CACNA2D1: variants seen among roughly 807,000 people sequenced by gnomAD.
The protein encoded by CACNA2D1 is voltage-dependent calcium channel subunit alpha-2/delta-1.
A neutral mutation model predicts 171.5 loss-of-function variants in CACNA2D1; 53 were observed. The observed-to-expected ratio is 0.31, with a 90% CI of 0.25 to 0.39. The LOEUF is 0.39. Among genes scored for constraint, CACNA2D1 ranks in the 10% least tolerant of loss-of-function variants. The probability of loss-of-function intolerance (pLI) is 1.00; values close to 1 mark genes in which losing one functional copy is unlikely to be tolerated. For missense variants in CACNA2D1, 903 were observed against 1,299.8 expected (o/e 0.69, Z 4.69); for synonymous variants, 442 against 443.1 (o/e 1.00, Z 0.03).
chr7:82,007,731 G>A lies in CACNA2D1; in HGVS notation c.1388C>T (p.Thr463Ile), dbSNP rs761255512. The A allele has an allele frequency of 6.2e-7, 1 of 1,600,576 alleles. No individual in the cohort carries two copies. The highest frequency in any genetic ancestry group is 8.6e-7 in the Non-Finnish European group (1 of 1,168,010). Residue 463 changes from threonine (T) to isoleucine (I), a missense_variant, in exon 16 of 39, where the codon ACT becomes ATT. Physicochemically the swap from Thr to Ile is moderately conservative, Grantham distance 89 (BLOSUM62 -1). Around this residue, in one of 5 missense-constraint regions of CACNA2D1, gnomAD observed 623 missense variants for 925.5 expected, o/e 0.67. Transcript: ENST00000356860. ...GCCGGTTATGTTGAAGACCGGAAGA[G>A]TTCCAGTAATGACAAGTCCCAGTTC... The part of the protein sequence containing the change: ...ALELGLVITG[T>I]LPVFNITGQF...
chr7:82,035,521 A>G (rs565998502), intron 11 of CACNA2D1, among the ~76,000 whole-genome samples: 23 of 152,278 alleles, frequency 1.5e-4, no homozygotes, highest in Admixed American at 5.9e-4. Context: ...TTTAAAAATC[A>G]CTACAATTGT....
chr7:81,975,629 C>A (rs1795761172), intron 24 of CACNA2D1, among the ~76,000 whole-genome samples: 1 of 152,046 alleles, frequency 6.6e-6, no homozygotes. Flanking sequence ...CATTAAAATT[C>A]CATATTCTTT....
At chr7:82,268,512 G>A (rs1472513621) in intron 3 of CACNA2D1, among the ~76,000 whole-genome samples, 2 of 152,028 alleles carry the variant, frequency 1.3e-5, no homozygotes, top group African/African-American at 2.4e-5. Flanking sequence ...CTAATTACAC[G>A]CAGTCCTTTT....
At chr7:82,028,956 G>T (rs1802300498) in intron 12 of CACNA2D1, 1 of 151,866 alleles carries the variant, frequency 6.6e-6, no homozygotes, top group African/African-American at 2.4e-5. Flanking sequence ...ATTTGATAAA[G>T]CAGTGCCAGG....
intron 3 of CACNA2D1, among the ~76,000 whole-genome samples, chr7:82,258,024 A>C (rs1236734106): frequency 6.6e-6 from 1 of 152,172 alleles, no homozygotes; most frequent in Non-Finnish European, 1.5e-5. Flanking sequence ...GATGGGAGGC[A>C]AATGCTTCTG....
chr7:82,208,208 G>T (rs1800204001), intron 3 of CACNA2D1, among the ~76,000 whole-genome samples: 1 of 152,030 alleles, frequency 6.6e-6, no homozygotes, highest in Admixed American at 6.6e-5. Flanking sequence ...CCTTTTAAAT[G>T]TTTAATAAAT....
chr7:82,324,850 A>T (rs899120997), intron 3 of CACNA2D1, among the ~76,000 whole-genome samples: 8 of 151,966 alleles, frequency 5.3e-5, no homozygotes, highest in Non-Finnish European at 1.2e-4. Flanking sequence ...CCTCACAACC[A>T]GCTTTTAACC....
intron 3 of CACNA2D1, among the ~76,000 whole-genome samples, chr7:82,303,267 A>G (rs1437519367): frequency 2.0e-5 from 3 of 152,026 alleles, no homozygotes; most frequent in Non-Finnish European, 2.9e-5. Context: ...CTAAAAATAC[A>G]AAGTGCTGTG....
chr7:82,092,711 T>G (rs1391648162), intron 6 of CACNA2D1, among the ~76,000 whole-genome samples: 2 of 152,082 alleles, frequency 1.3e-5, no homozygotes, highest in East Asian at 3.9e-4. Flanking sequence ...GCCATTTTTA[T>G]GAGAAATTTT....
chr7:82,343,735 C>T (rs1032341174), intron 2 of CACNA2D1, among the ~76,000 whole-genome samples: 1 of 152,092 alleles, frequency 6.6e-6, no homozygotes, highest in Non-Finnish European at 1.5e-5. Flanking sequence ...TTTGAATACA[C>T]ATTTTGGCCA....
At chr7:82,092,765 T>TTAA (rs1460286377) in intron 6 of CACNA2D1, among the ~76,000 whole-genome samples, 1 of 152,010 alleles carries the variant, frequency 6.6e-6, no homozygotes, top group African/African-American at 2.4e-5. Flanking sequence ...AAATTTCTAT[T>TTAA]CTATATTTTA....
chr7:82,218,335 G>A (rs10954668), intron 3 of CACNA2D1, among the ~76,000 whole-genome samples: 40,007 of 152,026 alleles, frequency 0.26, 6,481 homozygotes, highest in Non-Finnish European at 0.37. Context: ...AAGGAGGCTC[G>A]CTCTCTTATT....
chr7:82,251,412 GA>G (rs1430834132), intron 3 of CACNA2D1, among the ~76,000 whole-genome samples: 1 of 152,050 alleles, frequency 6.6e-6, no homozygotes, highest in African/African-American at 2.4e-5. Context: ...GGCTTCTGTC[GA>G]AACTCACTGA....
intron 3 of CACNA2D1, among the ~76,000 whole-genome samples, chr7:82,294,441 C>A (rs193284687): frequency 6.7e-5 from 10 of 148,546 alleles, no homozygotes; most frequent in Non-Finnish European, 1.0e-4. Flanking sequence ...CATGACTCAT[C>A]ATTTATTTTT....
chr7:82,289,983 T>G (rs939787809), intron 3 of CACNA2D1, among the ~76,000 whole-genome samples: 1 of 152,228 alleles, frequency 6.6e-6, no homozygotes, highest in African/African-American at 2.4e-5. Context: ...CCTACATTAC[T>G]GTTGTGATTT....
rs754212778 is a variant in CACNA2D1 at position 82,335,251 on chromosome 7, T to C, written c.178A>G (p.Ile60Val). 2.5e-6 allele frequency: 4 copies of C among 1,571,158 alleles called. No homozygotes were observed. In the East Asian group the frequency reaches 9.0e-5, roughly 35 times the overall value. ...TASGVNQLVDIYEKYQDLYTV... is the reference protein window; with the variant it reads ...TASGVNQLVDVYEKYQDLYTV... ...TACAAATCTTGATATTTCTCATAAA[T>C]CTGTGTGAAAGAAAAAAAAAACTAG... The change falls in exon 3 of 39, where the codon ATT (isoleucine) becomes GTT (valine). Residue 60 changes from isoleucine to valine, a missense_variant and splice_region_variant. By Grantham distance (29) the Ile-to-Val change is conservative. This residue lies in a region of CACNA2D1 where 189 missense variants were observed against 266.8 expected (regional missense o/e 0.71). Coordinates refer to ENST00000356860, the MANE Select transcript of CACNA2D1 (RefSeq NM_000722.4).
chr7:82,110,028 G>C (rs1008267941), intron 6 of CACNA2D1, among the ~76,000 whole-genome samples: 1 of 152,006 alleles, frequency 6.6e-6, no homozygotes, highest in Non-Finnish European at 1.5e-5. Context: ...AGATTTTTTT[G>C]TATAAATGTG....
intron 24 of CACNA2D1, among the ~76,000 whole-genome samples, chr7:81,976,013 G>A (rs78681989): frequency 0.093 from 13,986 of 150,466 alleles, 682 homozygotes; most frequent in Middle Eastern, 0.21. Flanking sequence ...AAAGCAGAAA[G>A]CACCTTGTTC....
At chr7:81,951,752 G>A (rs1584127853) in intron 38 of CACNA2D1, among the ~76,000 whole-genome samples, 1 of 152,088 alleles carries the variant, frequency 6.6e-6, no homozygotes, top group Middle Eastern at 3.4e-3. Context: ...TGGACATTTA[G>A]GTTGGTTCCA....
Sources: gnomAD v4.1 joint callset for allele counts (sites outside exome capture counted in the v4.1 genomes callset) on GRCh38, gnomAD v4.1.1 for gene constraint, gnomAD v4.1.1 regional missense constraint, MANE v1.5 for transcripts, NCBI Gene and HGNC (gene_info 2026-07-23, HGNC 2026-07-21) for gene names.